CFDP1: variants seen among roughly 807,000 people sequenced by gnomAD.
CFDP1 encodes heterochromatin-stabilizing protein CFDP1.
Under a neutral mutation model 40.1 loss-of-function variants are expected in CFDP1, and 31 were observed. That is an observed-to-expected ratio of 0.77 (90% CI 0.58 to 1.04). The LOEUF (loss-of-function observed/expected upper bound fraction) is 1.04, where lower values mean the gene tolerates loss of function less well. Ranked by LOEUF, CFDP1 falls within the 50% of genes least tolerant of loss-of-function variation. CFDP1 has a pLI of 0.00. For synonymous variants in CFDP1, 167 were observed against 120.0 expected, an observed-to-expected ratio of 1.39 and a Z score of -2.56; for missense variants, 423 against 343.4, an observed-to-expected ratio of 1.23 and a Z score of -1.83.
At chr16:75,403,043 T>C (rs2151573665) in intron 4 of CFDP1, among the ~76,000 whole-genome samples, 1 of 152,326 alleles carries the variant, frequency 6.6e-6, no homozygotes, top group African/African-American at 2.4e-5. Flanking sequence ...TGTTTTGTTT[T>C]TTATAGACAT....
chr16:75,425,141 C>A (rs1466371114), intron 1 of CFDP1, among the ~76,000 whole-genome samples: 1 of 151,968 alleles, frequency 6.6e-6, no homozygotes, highest in African/African-American at 2.4e-5. Flanking sequence ...ATTGTCAATT[C>A]TTCCCAAAAC....
At chr16:75,395,549 C>T (rs943420432) in intron 4 of CFDP1, among the ~76,000 whole-genome samples, 4 of 152,096 alleles carry the variant, frequency 2.6e-5, no homozygotes, top group Non-Finnish European at 5.9e-5. Context: ...GTCCCAGCTA[C>T]TCGGGAGGCT....
intron 1 of CFDP1, among the ~76,000 whole-genome samples, chr16:75,422,358 G>C (rs946977509): frequency 2.7e-5 from 4 of 150,652 alleles, no homozygotes; most frequent in African/African-American, 7.4e-5. Flanking sequence ...ACCTCCCAAA[G>C]TGCTGGGATT....
chr16:75,335,338 A>G (rs1460996187), intron 5 of CFDP1, among the ~76,000 whole-genome samples: 1 of 152,190 alleles, frequency 6.6e-6, no homozygotes, highest in East Asian at 1.9e-4. Context: ...GTTCGTGGTC[A>G]AAATTCAAAA....
At chr16:75,321,408 G>A (rs1483041874) in intron 5 of CFDP1, among the ~76,000 whole-genome samples, 5 of 152,084 alleles carry the variant, frequency 3.3e-5, no homozygotes, top group South Asian at 2.1e-4. Flanking sequence ...CTGCCAAAAA[G>A]CCCCTTATAT....
At chr16:75,365,202 C>T (rs2078705328) in intron 5 of CFDP1, among the ~76,000 whole-genome samples, 1 of 152,092 alleles carries the variant, frequency 6.6e-6, no homozygotes. Flanking sequence ...AGTTGAATGG[C>T]AAGGTTAAAT....
At chr16:75,428,154 T>A (rs1290805647) in intron 1 of CFDP1, among the ~76,000 whole-genome samples, 1 of 150,892 alleles carries the variant, frequency 6.6e-6, no homozygotes, top group Non-Finnish European at 1.5e-5. Flanking sequence ...TTTAAGAGGG[T>A]TGACGGCTTG....
intron 5 of CFDP1, among the ~76,000 whole-genome samples, chr16:75,338,484 G>A (rs2078505335): frequency 6.6e-6 from 1 of 152,194 alleles, no homozygotes; most frequent in Non-Finnish European, 1.5e-5. Context: ...GCATGATCTG[G>A]AGGACTGGAT....
chr16:75,325,257 C>G (rs944394957), intron 5 of CFDP1, among the ~76,000 whole-genome samples: 2 of 152,162 alleles, frequency 1.3e-5, no homozygotes, highest in Admixed American at 6.5e-5. Flanking sequence ...TCCTTACCTC[C>G]CAGACTTCCT....
intron 5 of CFDP1, among the ~76,000 whole-genome samples, chr16:75,356,911 C>CT (rs576406459): frequency 0.39 from 31,446 of 80,620 alleles, 4,251 homozygotes; most frequent in Middle Eastern, 0.46. Context: ...TGCTTTCTTT[C>CT]TTTTTTTTTT....
At chr16:75,303,393 A>AT (rs1348496462) in intron 6 of CFDP1, among the ~76,000 whole-genome samples, 1 of 135,190 alleles carries the variant, frequency 7.4e-6, no homozygotes, top group African/African-American at 2.5e-5. Context: ...AAATAAATAA[A>AT]TAAATAAATG....
chr16:75,313,084 C>G (rs182672924), intron 5 of CFDP1, among the ~76,000 whole-genome samples: 1 of 152,298 alleles, frequency 6.6e-6, no homozygotes, highest in Non-Finnish European at 1.5e-5. Context: ...CCACTGCAAC[C>G]AGCCAACTCA....
intron 2 of CFDP1, 59 bp from the exon 3 acceptor site, chr16:75,412,813 C>G (rs1033192946): frequency 4.5e-6 from 6 of 1,325,038 alleles, no homozygotes; most frequent in African/African-American, 1.4e-5. Context: ...TCAGTTATCC[C>G]TCTCCCAATC....
At chr16:75,327,225 C>G (rs577769963) in intron 5 of CFDP1, among the ~76,000 whole-genome samples, 81 of 152,268 alleles carry the variant, frequency 5.3e-4, no homozygotes, top group Non-Finnish European at 9.7e-4. Context: ...CAAGATAGAG[C>G]CACTGCACTC....
At position 75,305,030 on chromosome 16, in the gene CFDP1, T is replaced by A; in HGVS notation, c.803A>T (p.Lys268Ile). The change falls in exon 6 of 7, where the codon AAA (lysine) becomes ATA (isoleucine). Residue 268 changes from lysine (K) to isoleucine (I), a missense_variant. Transcript: ENST00000283882. ...AAAACCTACTCCTTCTTACCCCTCT[T>A]TCCCTCGATTATGGATGGCCAGTTC... ...GEELAIHNRG[K>I]EGYIERKAFL... 6.2e-7 allele frequency: 1 copy of A among 1,613,912 alleles called. No homozygotes were observed. The highest frequency in any genetic ancestry group is 8.5e-7 in the Non-Finnish European group (1 of 1,179,902).
At chr16:75,356,028 G>C (rs778014021) in intron 5 of CFDP1, among the ~76,000 whole-genome samples, 6 of 152,118 alleles carry the variant, frequency 3.9e-5, no homozygotes, top group Non-Finnish European at 5.9e-5. Context: ...TTACCCATAA[G>C]GGTTGGAATA....
chr16:75,416,796 G>C (rs1183911842), intron 1 of CFDP1, among the ~76,000 whole-genome samples: 1 of 152,010 alleles, frequency 6.6e-6, no homozygotes, highest in East Asian at 1.9e-4. Context: ...CGATGAGAAG[G>C]AGCCAGCTGT....
intron 5 of CFDP1, among the ~76,000 whole-genome samples, chr16:75,323,426 TACTTA>T (rs564663176): frequency 1.8e-3 from 271 of 150,960 alleles, no homozygotes; most frequent in Non-Finnish European, 3.2e-3. Context: ...GAGGCTGTTT[TACTTA>T]ACTTTTTTTT....
intron 5 of CFDP1, among the ~76,000 whole-genome samples, chr16:75,329,522 G>T (rs910255476): frequency 1.3e-5 from 2 of 152,046 alleles, no homozygotes; most frequent in African/African-American, 4.8e-5. Context: ...AAGAGACAAG[G>T]TCTCACTGTA....
Sources: allele counts gnomAD v4.1 joint callset (sites outside exome capture counted in the v4.1 genomes callset), GRCh38; gene constraint gnomAD v4.1.1; transcripts MANE v1.5; gene names NCBI Gene and HGNC (gene_info 2026-07-23, HGNC 2026-07-21).